MTM1: variants seen among roughly 807,000 people sequenced by gnomAD.
The protein encoded by MTM1 is myotubularin 1, also known as myotubularin.
In MTM1, 9 loss-of-function variants were observed where a neutral mutation model predicts 52.1. The observed-to-expected ratio is 0.17, with a 90% confidence interval of 0.10 to 0.30. The LOEUF (loss-of-function observed/expected upper bound fraction) is 0.30. MTM1 is among the 10% of genes least tolerant of loss of function. The pLI, the probability that MTM1 is intolerant of heterozygous loss-of-function variation, is 1.00. For missense variants in MTM1, 277 were observed against 470.7 expected, an observed-to-expected ratio of 0.59 and a Z score of 3.81; for synonymous variants, 136 against 163.8, an observed-to-expected ratio of 0.83 and a Z score of 1.29.
chrX:150,583,930 AATTAAAAT>A (rs2038729828), intron 1 of MTM1, among the ~76,000 whole-genome samples: 1 of 40,785 alleles, frequency 2.5e-5, no homozygotes, highest in African/African-American at 7.4e-5. Context: ...ATATATATTA[AATTAAAAT>A]ATATATATTA....
intron 6 of MTM1, among the ~76,000 whole-genome samples, chrX:150,619,776 TC>T (rs782674079): frequency 1.5e-4 from 17 of 111,612 alleles, no homozygotes; most frequent in Non-Finnish European, 3.2e-4. Flanking sequence ...CCAGTCCTCC[TC>T]CTCAGTTTGA....
intron 1 of MTM1, among the ~76,000 whole-genome samples, chrX:150,587,630 A>C (rs2038812767): frequency 1.8e-5 from 2 of 111,691 alleles, no homozygotes; most frequent in South Asian, 7.4e-4. Flanking sequence ...GTTCACAGTG[A>C]TTTGGTTGAG....
chrX:150,668,773 T>C (rs1460076811), intron 14 of MTM1, among the ~76,000 whole-genome samples: 2 of 111,775 alleles, frequency 1.8e-5, no homozygotes, highest in Admixed American at 9.5e-5. Flanking sequence ...CAGTGCATTG[T>C]CTTCACAGCT....
intron 4 of MTM1, among the ~76,000 whole-genome samples, chrX:150,613,957 C>T (rs1286226369): frequency 5.4e-5 from 6 of 112,083 alleles, no homozygotes; most frequent in Admixed American, 1.9e-4. Flanking sequence ...TTTCCAGATG[C>T]TTGGTCTCTA....
At chrX:150,591,445 T>C (rs1403588568) in intron 1 of MTM1, among the ~76,000 whole-genome samples, 1 of 112,684 alleles carries the variant, frequency 8.9e-6, no homozygotes, top group Non-Finnish European at 1.9e-5. Context: ...ATCCTGACAG[T>C]CCTAACCTTG....
At chrX:150,588,479 C>T (rs1463227366) in intron 1 of MTM1, among the ~76,000 whole-genome samples, 2 of 111,875 alleles carry the variant, frequency 1.8e-5, no homozygotes, top group African/African-American at 6.5e-5. Flanking sequence ...TTAACATAAG[C>T]GTTAAAATGG....
At chrX:150,615,717 G>T (rs1412788318) in intron 5 of MTM1, among the ~76,000 whole-genome samples, 4 of 111,668 alleles carry the variant, frequency 3.6e-5, no homozygotes, top group African/African-American at 1.3e-4. Flanking sequence ...GCTTATATTT[G>T]GATTATGCTG....
Position 150,671,542 on chromosome X carries a change from A to G in MTM1, c.1759A>G (p.Thr587Ala), listed in dbSNP as rs1247484844. 8 of 1,208,780 alleles carry G rather than the reference A, an allele frequency of 6.6e-6. No individual in the cohort carries two copies. The highest frequency in any genetic ancestry group is 8.9e-6 in the Non-Finnish European group (8 of 895,034). The change falls in exon 15 of 15, where the codon ACT becomes GCT. Residue 587 changes from threonine (T) to alanine (A), a missense_variant. Coordinates refer to ENST00000370396, the MANE Select transcript of MTM1 (RefSeq NM_000252.3). ...ANSAKLSDPP[T>A]SPSSPSQMMP... The stretch of plus-strand genomic sequence containing the variant: ...CTCTGCCAAGCTTTCTGATCCCCCA[A>G]CTTCACCTTCCAGTCCTTCGCAAAT...
rs1258544675 is a variant in MTM1 at position 150,672,533 on chromosome X, G to A, written c.*938G>A. The A allele has an allele frequency of 2.7e-5, 3 of 112,054 alleles. No individual in the cohort carries two copies. The highest frequency in any genetic ancestry group is 9.5e-5 in the Admixed American group (1 of 10,560). 9.2% of individuals were successfully genotyped at this position (112,054 alleles called of 1,213,427 possible). On this transcript the variant is annotated 3_prime_UTR_variant, in exon 15 of 15. Transcript: ENST00000370396. ...TCAGTGCCCCAGATGTACATGTGTT[G>A]AGCGTATTCTTGAAAGTATTGTGTT...
At chrX:150,607,432 A>T (rs1370789534) in intron 4 of MTM1, among the ~76,000 whole-genome samples, 1 of 111,527 alleles carries the variant, frequency 9.0e-6, no homozygotes, top group Non-Finnish European at 1.9e-5. Flanking sequence ...TTGACTCCTT[A>T]CTTCTTGTGG....
chrX:150,583,354 A>C (rs868960552), intron 1 of MTM1, among the ~76,000 whole-genome samples: 1 of 31,585 alleles, frequency 3.2e-5, no homozygotes, highest in Non-Finnish European at 4.9e-5. Flanking sequence ...TATAATTATA[A>C]ATATATATAA....
intron 14 of MTM1, among the ~76,000 whole-genome samples, chrX:150,667,029 G>C (rs1557414967): frequency 5.4e-5 from 6 of 111,803 alleles, no homozygotes; most frequent in Non-Finnish European, 3.8e-5. Context: ...ACCCCCTGAT[G>C]CTACCTTTAC....
chrX:150,647,923 G>GAGTA (rs2039961854), intron 9 of MTM1, among the ~76,000 whole-genome samples: 1 of 112,015 alleles, frequency 8.9e-6, no homozygotes, highest in African/African-American at 3.2e-5. Flanking sequence ...CATTAGCGAT[G>GAGTA]AGTAATAAAG....
At chrX:150,634,612 A>G (rs1557413658) in intron 6 of MTM1, among the ~76,000 whole-genome samples, 1 of 111,803 alleles carries the variant, frequency 8.9e-6, no homozygotes, top group Non-Finnish European at 1.9e-5. Flanking sequence ...TGCTTTAAAA[A>G]AAAAAAGTCT....
chrX:150,583,339 TTA>T (rs1242905948), intron 1 of MTM1, among the ~76,000 whole-genome samples: 3 of 48,346 alleles, frequency 6.2e-5, no homozygotes, highest in Non-Finnish European at 9.8e-5. Flanking sequence ...ATTATATATA[TTA>T]TATATAATTA....
chrX:150,648,034 A>G (rs1193815962), intron 9 of MTM1, among the ~76,000 whole-genome samples: 1 of 112,244 alleles, frequency 8.9e-6, no homozygotes, highest in Non-Finnish European at 1.9e-5. Flanking sequence ...TTTAAAAACC[A>G]CATGTGTAGA....
chrX:150,578,967 T>C (rs2038523880), intron 1 of MTM1, among the ~76,000 whole-genome samples: 1 of 110,680 alleles, frequency 9.0e-6, no homozygotes, highest in Non-Finnish European at 1.9e-5. Flanking sequence ...ATTGACATCA[T>C]GACAATTAGG....
At chrX:150,666,806 G>A (rs1479399981) in intron 14 of MTM1, among the ~76,000 whole-genome samples, 1 of 111,385 alleles carries the variant, frequency 9.0e-6, no homozygotes, top group African/African-American at 3.3e-5. Context: ...TCGTGGTAGC[G>A]CCAGCCTAGT....
At chrX:150,581,496 G>A (rs2038583266) in intron 1 of MTM1, among the ~76,000 whole-genome samples, 1 of 111,696 alleles carries the variant, frequency 9.0e-6, no homozygotes, top group African/African-American at 3.3e-5. Flanking sequence ...ACAATCAAGG[G>A]TTGTGCTGTT....
Sources: gnomAD v4.1 joint callset for allele counts (sites outside exome capture counted in the v4.1 genomes callset) on GRCh38, gnomAD v4.1.1 for gene constraint, MANE v1.5 for transcripts, NCBI Gene and HGNC (gene_info 2026-07-23, HGNC 2026-07-21) for gene names.